SAMD3: variants seen among roughly 807,000 people sequenced by gnomAD.
The protein encoded by SAMD3 is sterile alpha motif domain containing 3, also known as sterile alpha motif domain-containing protein 3.
In SAMD3, 63 loss-of-function variants were observed where a neutral mutation model predicts 58.5. The observed-to-expected ratio is 1.08, with a 90% CI of 0.88 to 1.33. The LOEUF is 1.33. Among genes scored for constraint, SAMD3 ranks in the 40% most tolerant of loss-of-function variants. SAMD3 has a pLI of 0.00. For missense variants in SAMD3, 604 were observed against 608.4 expected (o/e 0.99, Z 0.08); for synonymous variants, 220 against 210.3 (o/e 1.05, Z -0.40).
At chr6:130,213,930 G>A (rs1490985804) in intron 4 of SAMD3, among the ~76,000 whole-genome samples, 1 of 151,998 alleles carries the variant, frequency 6.6e-6, no homozygotes, top group African/African-American at 2.4e-5. Flanking sequence ...AGAAATCCTA[G>A]GAAAATAAAT....
chr6:130,287,618 T>C (rs1775203337), intron 2 of SAMD3, among the ~76,000 whole-genome samples: 1 of 152,112 alleles, frequency 6.6e-6, no homozygotes. Context: ...CAAAGGGTTA[T>C]GAAGAGATCC....
At position 130,198,214 on chromosome 6, in the gene SAMD3, C is replaced by T. The variant is rs181722283; in HGVS notation, c.383+11281G>A. Among the ~76,000 whole-genome samples, 32 of 152,220 alleles carry T rather than the reference C, an allele frequency of 2.1e-4. No homozygotes were observed. In the East Asian group the frequency reaches 3.3e-3, roughly 16 times the overall value. The stretch of plus-strand genomic sequence containing the variant: ...CTGTTTGGTGGTCTCTTCACACGGA[C>T]GCGCATGAAAACAGGGTCTCTGTCT... On this transcript the variant is annotated intron_variant, in intron 5 of 11. Coordinates refer to ENST00000439090, the MANE Select transcript of SAMD3 (RefSeq NM_001017373.4).
chr6:130,205,504 A>G (rs961230142), intron 5 of SAMD3, among the ~76,000 whole-genome samples: 5 of 151,966 alleles, frequency 3.3e-5, no homozygotes, highest in Non-Finnish European at 7.4e-5. Flanking sequence ...GGGTTTTACC[A>G]TGTTGGCCAG....
At chr6:130,186,237 A>AT (rs1158247957) in intron 5 of SAMD3, among the ~76,000 whole-genome samples, 2 of 152,126 alleles carry the variant, frequency 1.3e-5, no homozygotes, top group Non-Finnish European at 2.9e-5. Flanking sequence ...TCTGATGACC[A>AT]TGGAACCTTT....
intron 1 of SAMD3, among the ~76,000 whole-genome samples, chr6:130,323,314 C>G (rs1776646577): frequency 6.6e-6 from 1 of 152,154 alleles, no homozygotes; most frequent in African/African-American, 2.4e-5. Flanking sequence ...CCTGGCTTCC[C>G]TGTGAGATGC....
chr6:130,327,096 C>G (rs1486733353), intron 1 of SAMD3, among the ~76,000 whole-genome samples: 1 of 152,086 alleles, frequency 6.6e-6, no homozygotes, highest in Non-Finnish European at 1.5e-5. Context: ...TTATAAAATA[C>G]TTTACCTTCC....
chr6:130,186,190 A>G lies in SAMD3; in HGVS notation c.384-1567T>C, dbSNP rs527673743. Among the ~76,000 whole-genome samples, 155 of 152,212 alleles carry G rather than the reference A, an allele frequency of 1.0e-3. 1 individual carries two copies. The highest frequency in any genetic ancestry group is 1.9e-3 in the Non-Finnish European group (130 of 68,010). Reference sequence around the variant, plus strand: ...AGAGGCAAGCCAAGTAGAAGACAACAGGAAGATTTCCTAAATTGGCCTAAG... The same window carrying G: ...AGAGGCAAGCCAAGTAGAAGACAACGGGAAGATTTCCTAAATTGGCCTAAG... On this transcript the variant is annotated intron_variant, in intron 5 of 11. Coordinates refer to ENST00000439090, the MANE Select transcript of SAMD3 (RefSeq NM_001017373.4).
At chr6:130,272,950 G>GCATCCT (rs1182733447) in intron 2 of SAMD3, among the ~76,000 whole-genome samples, 1 of 152,134 alleles carries the variant, frequency 6.6e-6, no homozygotes, top group Non-Finnish European at 1.5e-5. Flanking sequence ...ACAGATTTTA[G>GCATCCT]CATCCTCATC....
At chr6:130,233,584 G>A (rs1205614230) in intron 2 of SAMD3, among the ~76,000 whole-genome samples, 1 of 152,198 alleles carries the variant, frequency 6.6e-6, no homozygotes, top group Non-Finnish European at 1.5e-5. Context: ...CTATTCAACA[G>A]CGATTTCTTA....
Position 130,214,413 on chromosome 6 carries a change from G to T in SAMD3, c.193C>A (p.Gln65Lys). The change falls in exon 4 of 12, where the codon CAG becomes AAG. Residue 65 changes from glutamine to lysine, a missense_variant. Coordinates refer to ENST00000439090, the MANE Select transcript of SAMD3 (RefSeq NM_001017373.4). ...GGGGACTTCAGTCCTTGAGTGTTCT[G>T]CTTGTATTTTTTAATTAAATCCATC... ...VLMDLIKKYK[Q>K]NTQGLKSPEN... The T allele has an allele frequency of 6.2e-7, 1 of 1,613,244 alleles. No homozygotes were observed. Among genetic ancestry groups the T allele is most frequent in the Non-Finnish European group, 8.5e-7 (1 of 1,179,614 alleles).
At chr6:130,346,397 T>G (rs1366336496) in intron 1 of SAMD3, among the ~76,000 whole-genome samples, 1 of 152,226 alleles carries the variant, frequency 6.6e-6, no homozygotes, top group Non-Finnish European at 1.5e-5. Flanking sequence ...TCCAGTGGTC[T>G]TAGCAAACGG....
chr6:130,214,270 G>A, intron 4 of SAMD3, 67 bp downstream of exon 4: 3 of 1,316,684 alleles, frequency 2.3e-6, no homozygotes, highest in African/African-American at 1.5e-5. Context: ...AAACCCAAAC[G>A]TCACGCTCTA....
At chr6:130,333,184 T>C (rs1776994618) in intron 1 of SAMD3, among the ~76,000 whole-genome samples, 1 of 152,174 alleles carries the variant, frequency 6.6e-6, no homozygotes, top group South Asian at 2.1e-4. Context: ...ATTAGGATTA[T>C]GACCTAGGTC....
At chr6:130,218,412 T>C (rs1257391988) in intron 1 of SAMD3, among the ~76,000 whole-genome samples, 2 of 152,206 alleles carry the variant, frequency 1.3e-5, no homozygotes, top group African/African-American at 2.4e-5. Context: ...AGCAGCATGG[T>C]GTTCCAATGG....
At chr6:130,149,805 C>A (rs1238624836) in intron 9 of SAMD3, among the ~76,000 whole-genome samples, 2 of 152,074 alleles carry the variant, frequency 1.3e-5, no homozygotes, top group Admixed American at 6.6e-5. Flanking sequence ...TACACCAAAC[C>A]CCCACGACAT....
chr6:130,273,783 C>G (rs1475409388), intron 2 of SAMD3, among the ~76,000 whole-genome samples: 1 of 152,082 alleles, frequency 6.6e-6, no homozygotes, highest in African/African-American at 2.4e-5. Context: ...GCAAATATCT[C>G]TATACTTTTA....
chr6:130,227,996 AG>A (rs1223304866), intron 2 of SAMD3, among the ~76,000 whole-genome samples: 1 of 152,152 alleles, frequency 6.6e-6, no homozygotes, highest in African/African-American at 2.4e-5. Flanking sequence ...ACCCTTTTTA[AG>A]AAAAATCAGG....
chr6:130,231,202 A>T (rs1408002882), intron 2 of SAMD3, among the ~76,000 whole-genome samples: 1 of 152,180 alleles, frequency 6.6e-6, no homozygotes, highest in African/African-American at 2.4e-5. Flanking sequence ...TTAAATTTAT[A>T]TTTATTTCGT....
At chr6:130,282,719 A>T (rs928068826) in intron 2 of SAMD3, among the ~76,000 whole-genome samples, 1 of 152,224 alleles carries the variant, frequency 6.6e-6, no homozygotes, top group African/African-American at 2.4e-5. Flanking sequence ...ACAAAAGAGA[A>T]TTTTCTGAGA....
Sources: allele counts gnomAD v4.1 joint callset (sites outside exome capture counted in the v4.1 genomes callset), GRCh38; gene constraint gnomAD v4.1.1; transcripts MANE v1.5; gene names NCBI Gene and HGNC (gene_info 2026-07-23, HGNC 2026-07-21).